DPYSL4: variants seen among roughly 807,000 people sequenced by gnomAD.
The protein encoded by DPYSL4 is dihydropyrimidinase like 4.
A neutral mutation model predicts 63.4 loss-of-function variants in DPYSL4; 43 were observed. That is an observed-to-expected ratio of 0.68 (90% CI 0.53 to 0.88). The LOEUF is 0.88. Among genes scored for constraint, DPYSL4 ranks in the 40% least tolerant of loss-of-function variants. DPYSL4 has a pLI of 0.00. For missense variants in DPYSL4, 733 were observed against 819.5 expected, an observed-to-expected ratio of 0.89 and a Z score of 1.29; for synonymous variants, 353 against 331.7, an observed-to-expected ratio of 1.06 and a Z score of -0.70.
chr10:132,202,907 C>T, intron 12 of DPYSL4, 82 bp downstream of exon 12: 1 of 1,482,114 alleles, frequency 6.7e-7, no homozygotes, highest in Non-Finnish European at 9.0e-7. Context: ...CCTGGTCAAC[C>T]TGGCCCGGCC....
intron 8 of DPYSL4, 33 bp downstream of exon 8, chr10:132,199,004 G>C (rs879242149): frequency 1.6e-6 from 2 of 1,217,814 alleles, no homozygotes; most frequent in African/African-American, 1.4e-5. Flanking sequence ...GATGCCGAGG[G>C]GCCATGGTCT....
At chr10:132,200,044 C>T (rs2061991738) in intron 8 of DPYSL4, among the ~76,000 whole-genome samples, 1 of 152,194 alleles carries the variant, frequency 6.6e-6, no homozygotes, top group South Asian at 2.1e-4. Context: ...TTCACTGTGC[C>T]TCGCAGCCCA....
At chr10:132,193,083 C>T (rs992175016) in intron 3 of DPYSL4, among the ~76,000 whole-genome samples, 3 of 152,054 alleles carry the variant, frequency 2.0e-5, no homozygotes, top group African/African-American at 4.8e-5. Context: ...CAGTGACTGA[C>T]GTGTGTCCAC....
intron 8 of DPYSL4, among the ~76,000 whole-genome samples, chr10:132,199,618 C>A (rs545038546): frequency 6.9e-6 from 1 of 144,234 alleles, no homozygotes; most frequent in Non-Finnish European, 1.5e-5. Context: ...TCCTGCTGTC[C>A]GCACTGAGTC....
At chr10:132,192,635 A>T (rs1259454156) in intron 2 of DPYSL4, 23 bp from the exon 3 acceptor site, 2 of 1,583,384 alleles carry the variant, frequency 1.3e-6, no homozygotes, top group African/African-American at 1.3e-5. Flanking sequence ...CCCTGTAACC[A>T]GTGAAATCTC....
intron 12 of DPYSL4, 150 bp downstream of exon 12, chr10:132,202,975 C>A: frequency 2.1e-6 from 2 of 962,576 alleles, no homozygotes. Context: ...CCTGGTGGGT[C>A]TAAGTGGAGA....
chr10:132,203,280 G>C (rs1422096279), intron 12 of DPYSL4, among the ~76,000 whole-genome samples: 4 of 151,024 alleles, frequency 2.6e-5, no homozygotes, highest in South Asian at 2.1e-4. Flanking sequence ...AGCCACGGGA[G>C]CCCCCCCCCC....
Position 132,194,753 on chromosome 10 carries a change from C to T in DPYSL4, c.314-92C>T, listed in dbSNP as rs550866095. On this transcript the variant is annotated intron_variant, in intron 3 of 13. Coordinates refer to ENST00000338492, the MANE Select transcript of DPYSL4 (RefSeq NM_006426.3). Reference sequence around the variant, plus strand: ...TCTCCCTCAAATGGTCCTCTGGTCTCTTGGGAACATGAAACAGAATCTCCC... The same window carrying T: ...TCTCCCTCAAATGGTCCTCTGGTCTTTTGGGAACATGAAACAGAATCTCCC... 1.2e-4 allele frequency: 190 copies of T among 1,528,722 alleles called. 5 individuals carry two copies. The South Asian group carries it at 2.2e-3, about 18-fold the overall frequency. 94.7% of individuals were successfully genotyped at this position (1,528,722 alleles called of 1,614,324 possible).
At position 132,202,775 on chromosome 10, in the gene DPYSL4, C is replaced by T. The variant is rs143213280; in HGVS notation, c.1411C>T (p.Arg471Trp). ...CCCGGGGGCGGGCCGCTTCGTCCCT[C>T]GGAAAACATTCCCGGACTTTGTCTA... ...VTPGAGRFVPRKTFPDFVYKR... is the reference protein window; with the variant it reads ...VTPGAGRFVPWKTFPDFVYKR... Residue 471 changes from arginine (R) to tryptophan (W), a missense_variant, in exon 12 of 14, where the codon CGG (arginine) becomes TGG (tryptophan). By Grantham distance (101) the Arg-to-Trp change is moderately radical (BLOSUM62 -3). Coordinates refer to ENST00000338492, the MANE Select transcript of DPYSL4 (RefSeq NM_006426.3). 3 of 1,611,774 alleles carry T rather than the reference C, an allele frequency of 1.9e-6. No individual in the cohort carries two copies. Among genetic ancestry groups the T allele is most frequent in the Non-Finnish European group, 2.5e-6 (3 of 1,179,240 alleles).
intron 4 of DPYSL4, 89 bp from the exon 5 acceptor site, chr10:132,196,772 C>G: frequency 6.7e-7 from 1 of 1,496,242 alleles, no homozygotes; most frequent in Non-Finnish European, 9.3e-7. Context: ...GCCCAAGACC[C>G]CCAACCCTCC....
intron 3 of DPYSL4, among the ~76,000 whole-genome samples, chr10:132,194,000 C>G (rs934269766): frequency 6.6e-6 from 1 of 152,256 alleles, no homozygotes; most frequent in African/African-American, 2.4e-5. Flanking sequence ...TCTGCACAGT[C>G]GAGACCACCT....
Position 132,205,023 on chromosome 10 carries a change from T to TAGA in DPYSL4, c.*96_*98dup, listed in dbSNP as rs1327439326. Reference sequence around the variant, plus strand: ...CCCCCCTCCTTAGCATTTTCTTTTGTAGAAGTTTCTCGAAGGTGCTTGGCG... The same window carrying TAGA: ...CCCCCCTCCTTAGCATTTTCTTTTGTAGAAGAAGTTTCTCGAAGGTGCTTGGCG... On this transcript the variant is annotated 3_prime_UTR_variant, in exon 14 of 14. Transcript: ENST00000338492. 2 of 1,078,834 alleles carry TAGA rather than the reference T, an allele frequency of 1.9e-6. No individual in the cohort carries two copies. Among genetic ancestry groups the TAGA allele is most frequent in the South Asian group, 1.8e-5 (1 of 54,976 alleles). The allele number at this position is 1,078,834 out of a possible 1,614,324, so 66.8% of individuals were successfully genotyped here. A position where few individuals can be genotyped will look rare whatever the true frequency, so the allele number is the denominator to read the frequency against.
chr10:132,192,304 C>T (rs1414627306), intron 2 of DPYSL4: 1 of 998,446 alleles, frequency 1.0e-6, no homozygotes, highest in South Asian at 4.6e-5. Context: ...GTGCCTGGCT[C>T]ATAGCAGGTG....
In DPYSL4 at chr10:132,205,469, G is replaced by A. The variant is rs2062083929; in HGVS notation, c.*539G>A. ...GCTCACACAGCTGCTGAGACTTCAG[G>A]GACCCATCAGAACTTGGTGCAGCAC... On this transcript the variant is annotated 3_prime_UTR_variant, in exon 14 of 14. Coordinates refer to ENST00000338492, the MANE Select transcript of DPYSL4 (RefSeq NM_006426.3). 6.5e-6 allele frequency: 1 copy of A among 152,972 alleles called. No individual in the cohort carries two copies. The highest frequency in any genetic ancestry group is 6.5e-5 in the Admixed American group (1 of 15,320). The allele number at this position is 152,972 out of a possible 1,614,324, so 9.5% of individuals were successfully genotyped here.
At chr10:132,202,173 C>A in intron 11 of DPYSL4, 57 bp downstream of exon 11, 1 of 1,571,402 alleles carries the variant, frequency 6.4e-7, no homozygotes, top group Non-Finnish European at 8.6e-7. Context: ...GACCCCAGGG[C>A]AGCCTTCCCA....
rs149343318 is a variant in DPYSL4 at position 132,187,711 on chromosome 10, C to T, written c.39+609C>T. On this transcript the variant is annotated intron_variant, in intron 1 of 13. Transcript: ENST00000338492. Reference sequence around the variant, plus strand: ...TCCAGTAACCTGGGTTCAGCGACTCCAAGGAAAGCGAGCGGTCAAGGGCCA... The same window carrying T: ...TCCAGTAACCTGGGTTCAGCGACTCTAAGGAAAGCGAGCGGTCAAGGGCCA... Among the ~76,000 whole-genome samples the T allele has an allele frequency of 3.0e-3, 452 of 152,346 alleles. 3 individuals carry two copies. The highest frequency in any genetic ancestry group is 5.5e-3 in the Non-Finnish European group (371 of 68,030).
At chr10:132,194,149 C>T (rs998354374) in intron 3 of DPYSL4, among the ~76,000 whole-genome samples, 4 of 152,256 alleles carry the variant, frequency 2.6e-5, no homozygotes. Flanking sequence ...TGGGTGGCTG[C>T]AGGGAGGCTG....
At chr10:132,195,840 T>C (rs2061936107) in intron 4 of DPYSL4, among the ~76,000 whole-genome samples, 2 of 152,336 alleles carry the variant, frequency 1.3e-5, no homozygotes, top group South Asian at 2.1e-4. Context: ...GGGAGGCCTG[T>C]GGCCTCGTGT....
Position 132,200,416 on chromosome 10 carries a change from G to A in DPYSL4, c.872G>A (p.Trp291Ter), listed in dbSNP as rs1402997382. Reference protein sequence around the residue: ...ASLGTDGSHYWSKNWAKAAAF... With the variant: ...ASLGTDGSHY ...CTGGGCACCGACGGTTCACACTACT[G>A]GAGCAAGAACTGGGCCAAGGCCGCA... Residue 291 changes from tryptophan to a stop codon, truncating the protein, a stop_gained, in exon 9 of 14, where the codon TGG (tryptophan) becomes TAG (stop). Transcript: ENST00000338492. LOFTEE classifies it high-confidence loss of function. 6.2e-7 allele frequency: 1 copy of A among 1,613,580 alleles called. No individual in the cohort carries two copies. Among genetic ancestry groups the A allele is most frequent in the Admixed American group, 1.7e-5 (1 of 60,018 alleles).
Sources: allele counts gnomAD v4.1 joint callset (sites outside exome capture counted in the v4.1 genomes callset), GRCh38; gene constraint gnomAD v4.1.1; transcripts MANE v1.5; gene names NCBI Gene and HGNC (gene_info 2026-07-23, HGNC 2026-07-21).